Variants in CHN2 observed in about 807,000 individuals in gnomAD.
CHN2 encodes the protein beta-chimaerin.
Under a neutral mutation model 56.3 loss-of-function variants are expected in CHN2, and 35 were observed. The observed-to-expected ratio is 0.62, with a 90% confidence interval of 0.47 to 0.82. The LOEUF (loss-of-function observed/expected upper bound fraction) is 0.82, where lower values mean the gene tolerates loss of function less well. Among genes scored for constraint, CHN2 ranks in the 40% least tolerant of loss-of-function variants. The pLI, the probability that CHN2 is intolerant of heterozygous loss-of-function variation, is 0.00. For missense variants in CHN2, 491 were observed against 580.5 expected, an observed-to-expected ratio of 0.85 and a Z score of 1.58; for synonymous variants, 210 against 212.8, an observed-to-expected ratio of 0.99 and a Z score of 0.12.
intron 1 of CHN2, among the ~76,000 whole-genome samples, chr7:29,230,194 G>A (rs1421241145): frequency 6.6e-6 from 1 of 152,098 alleles, no homozygotes; most frequent in Non-Finnish European, 1.5e-5. Flanking sequence ...TCATTTGGCT[G>A]TTTTCTGGAA....
At chr7:29,471,040 T>C (rs1785984087) in intron 6 of CHN2, among the ~76,000 whole-genome samples, 1 of 152,244 alleles carries the variant, frequency 6.6e-6, no homozygotes, top group Non-Finnish European at 1.5e-5. Context: ...TTACACTATT[T>C]ACTTGGATCT....
chr7:29,252,580 T>TTTTTTTTGTTGTTTTG lies in CHN2; in HGVS notation c.49+57597_49+57598insGTTGTTTTGTTTTTTT, dbSNP rs1788676728. Among the ~76,000 whole-genome samples, 5 of 15,938 alleles carry TTTTTTTTGTTGTTTTG rather than the reference T, an allele frequency of 3.1e-4. 1 individual carries two copies. In the African/African-American group the frequency reaches 4.8e-3, roughly 15 times the overall value. 10.5% of individuals were successfully genotyped at this position (15,938 alleles called of 152,430 possible). The stretch of plus-strand genomic sequence containing the variant: ...GTTTGTCTAAAATTGCATTCTTTGT[T>TTTTTTTTGTTGTTTTG]TTTTTTTTTTTTTTTTTTTTTTTTT... On this transcript the variant is annotated intron_variant, in intron 1 of 12. Coordinates refer to ENST00000222792, the MANE Select transcript of CHN2 (RefSeq NM_004067.4).
chr7:29,292,929 T>C (rs1010218212), intron 1 of CHN2: 5 of 456,196 alleles, frequency 1.1e-5, no homozygotes, highest in African/African-American at 1.0e-4. Context: ...CTTCAGTCTA[T>C]TCTGAACCCA....
chr7:29,452,391 C>A (rs1784466354), intron 6 of CHN2, among the ~76,000 whole-genome samples: 1 of 152,134 alleles, frequency 6.6e-6, no homozygotes, highest in Non-Finnish European at 1.5e-5. Context: ...GAAGGCAGAG[C>A]CGGCACCTGA....
chr7:29,253,829 T>C (rs555749822), intron 1 of CHN2, among the ~76,000 whole-genome samples: 55 of 152,378 alleles, frequency 3.6e-4, no homozygotes, highest in African/African-American at 1.2e-3. Context: ...GTCTGTTATT[T>C]TGATAATTAT....
At chr7:29,183,443 C>G (rs1215633522) in intron 2 of CHN2, among the ~76,000 whole-genome samples, 1 of 151,032 alleles carries the variant, frequency 6.6e-6, no homozygotes, top group Non-Finnish European at 1.5e-5. Context: ...GTGGCATGAT[C>G]TCGGCTCACT....
rs1158746299 is a variant in CHN2, at chr7:29,412,320, C to CTTT, written c.576+11518_576+11520dup. Among the ~76,000 whole-genome samples the CTTT allele has an allele frequency of 6.7e-3, 469 of 69,504 alleles. 68 individuals are homozygous for CTTT. Among genetic ancestry groups the CTTT allele is most frequent in the South Asian group, 0.027 (50 of 1,872 alleles). The allele number at this position is 69,504 out of a possible 152,430, so 45.6% of individuals were successfully genotyped here. ...AGATTAAGGCGCTCTGCTAAAGAGT[C>CTTT]TTTTTTTTTTTTTTTTTTTTTTTTT... is the stretch of plus-strand genomic sequence containing the variant. On this transcript the variant is annotated intron_variant, in intron 6 of 12. Coordinates refer to ENST00000222792, the MANE Select transcript of CHN2 (RefSeq NM_004067.4).
At chr7:29,478,322 G>C in intron 6 of CHN2, among the ~76,000 whole-genome samples, 1 of 151,842 alleles carries the variant, frequency 6.6e-6, no homozygotes, top group African/African-American at 2.4e-5. Context: ...GGGTACATTA[G>C]GATCAGCTCA....
intron 6 of CHN2, among the ~76,000 whole-genome samples, chr7:29,441,770 A>G (rs1783667337): frequency 6.6e-6 from 1 of 152,176 alleles, no homozygotes; most frequent in Non-Finnish European, 1.5e-5. Flanking sequence ...TTTTTTTTAA[A>G]AAAAGGAAAA....
At chr7:29,250,235 A>T (rs887093356) in intron 1 of CHN2, among the ~76,000 whole-genome samples, 1 of 152,238 alleles carries the variant, frequency 6.6e-6, no homozygotes, top group African/African-American at 2.4e-5. Flanking sequence ...ATATATTCCC[A>T]TTTAAAAATA....
chr7:29,154,709 C>G (rs1794093459), intron 2 of CHN2, among the ~76,000 whole-genome samples: 1 of 152,066 alleles, frequency 6.6e-6, no homozygotes. Flanking sequence ...GTGGCACGTA[C>G]CTGTGGTCCC....
At chr7:29,155,269 C>T (rs554065967) in intron 2 of CHN2, among the ~76,000 whole-genome samples, 2 of 152,162 alleles carry the variant, frequency 1.3e-5, no homozygotes, top group South Asian at 4.2e-4. Flanking sequence ...GGGAAAACAA[C>T]TACATTTTAA....
chr7:29,152,256 GC>G (rs1793697512), intron 2 of CHN2, among the ~76,000 whole-genome samples: 1 of 152,158 alleles, frequency 6.6e-6, no homozygotes, highest in South Asian at 2.1e-4. Context: ...TTTATGCGTG[GC>G]AGCTCAGGCT....
chr7:29,263,045 G>A (rs1011839975), intron 1 of CHN2, among the ~76,000 whole-genome samples: 5 of 151,942 alleles, frequency 3.3e-5, no homozygotes, highest in Middle Eastern at 3.4e-3. Context: ...CACGGTCCTC[G>A]TCTCCCCTTT....
chr7:29,307,218 A>G (rs1003529453), intron 1 of CHN2, among the ~76,000 whole-genome samples: 2 of 152,348 alleles, frequency 1.3e-5, no homozygotes, highest in Middle Eastern at 3.4e-3. Flanking sequence ...AGCCTCTTTT[A>G]TACATTTTTA....
chr7:29,388,936 A>G (rs1196826432), intron 3 of CHN2, among the ~76,000 whole-genome samples: 1 of 152,216 alleles, frequency 6.6e-6, no homozygotes, highest in East Asian at 1.9e-4. Flanking sequence ...GTAACTATAA[A>G]GTCATAACAT....
chr7:29,412,454 C>T (rs761326099), intron 6 of CHN2, among the ~76,000 whole-genome samples: 1 of 150,722 alleles, frequency 6.6e-6, no homozygotes, highest in Non-Finnish European at 1.5e-5. Flanking sequence ...ACCTCAGCCT[C>T]CCAAGTAGCT....
intron 2 of CHN2, among the ~76,000 whole-genome samples, chr7:29,178,643 A>G (rs569129760): frequency 1.3e-5 from 2 of 152,296 alleles, no homozygotes; most frequent in East Asian, 3.9e-4. Context: ...TCTTAAGGGC[A>G]GGGACTTTGT....
intron 3 of CHN2, among the ~76,000 whole-genome samples, chr7:29,369,285 A>C (rs1799419039): frequency 6.6e-6 from 1 of 152,162 alleles, no homozygotes; most frequent in Non-Finnish European, 1.5e-5. Context: ...AATGAAAAAA[A>C]ACTTTGTAAA....
Sources: gnomAD v4.1 joint callset for allele counts (sites outside exome capture counted in the v4.1 genomes callset) on GRCh38, gnomAD v4.1.1 for gene constraint, MANE v1.5 for transcripts, NCBI Gene and HGNC (gene_info 2026-07-23, HGNC 2026-07-21) for gene names.